Variants in MTARC1 observed in about 807,000 individuals in gnomAD.
The protein encoded by MTARC1 is mitochondrial amidoxime-reducing component 1.
In MTARC1, 24 loss-of-function variants were observed where a neutral mutation model predicts 33.6. That is an observed-to-expected ratio of 0.72 (90% confidence interval 0.52 to 1.01). The LOEUF is 1.01. Among genes scored for constraint, MTARC1 ranks in the 50% least tolerant of loss-of-function variants. The pLI is 0.00. For missense variants in MTARC1, 417 were observed against 445.7 expected (o/e 0.94, Z 0.58); for synonymous variants, 187 against 189.5 (o/e 0.99, Z 0.11).
intron 4 of MTARC1, among the ~76,000 whole-genome samples, chr1:220,804,644 C>A (rs991282985): frequency 6.6e-6 from 1 of 152,138 alleles, no homozygotes; most frequent in Admixed American, 6.5e-5. Flanking sequence ...TAACTTCAGG[C>A]AGGCACTAAG....
intron 4 of MTARC1, chr1:220,798,511 T>G: frequency 1.0e-6 from 1 of 985,438 alleles, no homozygotes; most frequent in Non-Finnish European, 1.2e-6. Flanking sequence ...CCATCTGCCC[T>G]CAGATGTTTG....
chr1:220,805,385 C>A, intron 6 of MTARC1, 111 bp downstream of exon 6: 1 of 1,168,486 alleles, frequency 8.6e-7, no homozygotes, highest in South Asian at 1.3e-5. Flanking sequence ...CACACATAGT[C>A]TTGAAACTCA....
chr1:220,794,420 C>T (rs983717888), intron 2 of MTARC1: 9 of 151,914 alleles, frequency 5.9e-5, no homozygotes, highest in Non-Finnish European at 1.3e-4. Context: ...TGCACACACA[C>T]ACACACAGAT....
chr1:220,800,547 C>T (rs61830267), intron 4 of MTARC1, among the ~76,000 whole-genome samples: 43,038 of 151,778 alleles, frequency 0.28, 7,099 homozygotes, highest in Admixed American at 0.36. Flanking sequence ...AACCCTTTCT[C>T]ATTTGTCTGC....
At chr1:220,803,828 G>T (rs1366469762) in intron 4 of MTARC1, among the ~76,000 whole-genome samples, 9 of 152,000 alleles carry the variant, frequency 5.9e-5, no homozygotes, top group African/African-American at 2.2e-4. Context: ...GTGCCCCCTT[G>T]TGGAGAAATG....
intron 4 of MTARC1, among the ~76,000 whole-genome samples, chr1:220,804,223 A>G (rs1401953346): frequency 6.6e-6 from 1 of 152,024 alleles, no homozygotes; most frequent in Non-Finnish European, 1.5e-5. Flanking sequence ...CTCAGCACCC[A>G]TCTTACCTAT....
At position 220,801,347 on chromosome 1, in the gene MTARC1, C is replaced by A. The variant is rs528103750; in HGVS notation, c.753+3333C>A. On this transcript the variant is annotated intron_variant, in intron 4 of 6. Coordinates refer to ENST00000366910, the MANE Select transcript of MTARC1 (RefSeq NM_022746.4). ...GCTTCACTGACCCCGCTCACCCAGC[C>A]CCCCCCACAGCACACACCCCACCTA... is the stretch of plus-strand genomic sequence containing the variant. Among the ~76,000 whole-genome samples the A allele has an allele frequency of 1.1e-3, 123 of 113,000 alleles. 1 individual carries two copies. Among genetic ancestry groups the A allele is most frequent in the African/African-American group, 3.9e-3 (112 of 29,024 alleles). 74.1% of individuals were successfully genotyped at this position (113,000 alleles called of 152,430 possible).
At chr1:220,800,092 T>G (rs896277515) in intron 4 of MTARC1, among the ~76,000 whole-genome samples, 1 of 152,072 alleles carries the variant, frequency 6.6e-6, no homozygotes, top group African/African-American at 2.4e-5. Context: ...ACCCCAAAAT[T>G]CTGTGACAGT....
chr1:220,794,513 C>T (rs899317758), intron 2 of MTARC1, among the ~76,000 whole-genome samples: 1 of 150,662 alleles, frequency 6.6e-6, no homozygotes, highest in Non-Finnish European at 1.5e-5. Flanking sequence ...GGAGCTAAAG[C>T]CTGTGAATAA....
chr1:220,803,128 G>T (rs1672866281), intron 4 of MTARC1, among the ~76,000 whole-genome samples: 1 of 152,208 alleles, frequency 6.6e-6, no homozygotes, highest in South Asian at 2.1e-4. Context: ...TGGACTCACA[G>T]TTCCACATGG....
At chr1:220,790,543 T>G (rs531884012) in intron 1 of MTARC1, among the ~76,000 whole-genome samples, 1 of 152,268 alleles carries the variant, frequency 6.6e-6, no homozygotes, top group African/African-American at 2.4e-5. Context: ...AAAAGGGCAG[T>G]TACGGAAAGG....
intron 1 of MTARC1, among the ~76,000 whole-genome samples, chr1:220,790,087 C>T (rs1291410387): frequency 1.3e-5 from 2 of 152,220 alleles, no homozygotes; most frequent in Non-Finnish European, 2.9e-5. Flanking sequence ...TGTTGATGGA[C>T]ACTCGGGCTG....
At chr1:220,812,680 T>G (rs921860047) in intron 6 of MTARC1, among the ~76,000 whole-genome samples, 4 of 151,506 alleles carry the variant, frequency 2.6e-5, no homozygotes, top group African/African-American at 9.7e-5. Flanking sequence ...GAAAGATGCC[T>G]AGGGCAAAGG....
At chr1:220,799,534 G>C (rs1250331190) in intron 4 of MTARC1, among the ~76,000 whole-genome samples, 2 of 152,174 alleles carry the variant, frequency 1.3e-5, no homozygotes, top group African/African-American at 2.4e-5. Context: ...GGAGGGTTTT[G>C]AATGAATACT....
At chr1:220,796,405 C>T (rs1672618724) in intron 2 of MTARC1, among the ~76,000 whole-genome samples, 1 of 152,166 alleles carries the variant, frequency 6.6e-6, no homozygotes. Flanking sequence ...TAGGGAGACA[C>T]AGTTGTACAA....
At chr1:220,813,154 G>A (rs755531591) in intron 6 of MTARC1, 138 bp from the exon 7 acceptor site, 92 of 1,137,538 alleles carry the variant, frequency 8.1e-5, no homozygotes, top group Admixed American at 2.1e-4. Context: ...TCCAGGAGGC[G>A]CTGTTCTGTT....
At chr1:220,801,232 T>C (rs1365910232) in intron 4 of MTARC1, among the ~76,000 whole-genome samples, 1 of 152,080 alleles carries the variant, frequency 6.6e-6, no homozygotes, top group East Asian at 1.9e-4. Flanking sequence ...TGGCCTTTTT[T>C]CTGGGCCCCA....
chr1:220,800,290 T>C lies in MTARC1; in HGVS notation c.753+2276T>C, dbSNP rs76092445. Among the ~76,000 whole-genome samples, 934 of 152,358 alleles carry C rather than the reference T, an allele frequency of 6.1e-3. 8 individuals are homozygous for C. The highest frequency in any genetic ancestry group is 0.021 in the African/African-American group (894 of 41,582). On this transcript the variant is annotated intron_variant, in intron 4 of 6. Coordinates refer to ENST00000366910, the MANE Select transcript of MTARC1 (RefSeq NM_022746.4). The stretch of plus-strand genomic sequence containing the variant: ...ATGGTGGCTGAGCCGGCCTTGTTTT[T>C]AGTAATTCACCCATCATCGAGTGGG...
At chr1:220,791,248 G>C (rs1255671115) in intron 1 of MTARC1, 1 of 373,566 alleles carries the variant, frequency 2.7e-6, no homozygotes, top group African/African-American at 2.0e-5. Context: ...CCATCAAAGA[G>C]CTCAAACTGT....
Sources: gnomAD v4.1 joint callset for allele counts (sites outside exome capture counted in the v4.1 genomes callset) on GRCh38, gnomAD v4.1.1 for gene constraint, MANE v1.5 for transcripts, NCBI Gene and HGNC (gene_info 2026-07-23, HGNC 2026-07-21) for gene names.